The following TRIP10 variants were observed in gnomAD, a reference collection of about 807,000 sequenced individuals.
The protein encoded by TRIP10 is thyroid hormone receptor interactor 10, also known as cdc42-interacting protein 4.
TRIP10 carries 54 observed loss-of-function variants against 80.9 expected under a neutral mutation model. The ratio of observed to expected loss-of-function variants is 0.67; its 90% confidence interval spans 0.54 to 0.84. The LOEUF is 0.84. Ranked by LOEUF, TRIP10 falls within the 40% of genes least tolerant of loss-of-function variation. TRIP10 has a pLI of 0.00. For missense variants in TRIP10, 773 were observed against 815.3 expected, an observed-to-expected ratio of 0.95 and a Z score of 0.63; for synonymous variants, 321 against 307.2, an observed-to-expected ratio of 1.04 and a Z score of -0.47.
rs913003629 is a variant in TRIP10, at chr19:6,744,423, C to A, written c.643-131C>A. ...AGTGGGCTGGAGTCTCTCTTCCCGA[C>A]TCTGTCTTCCCCTCCAGACTGGCTT... is the stretch of plus-strand genomic sequence containing the variant. On this transcript the variant is annotated intron_variant, in intron 7 of 14. Coordinates refer to ENST00000313244, the MANE Select transcript of TRIP10 (RefSeq NM_001288962.2). This position sits in a 1 kb window ranked among gnomAD's most constrained non-coding sequence, Gnocchi z 4.9. 19 of 1,347,920 alleles carry A rather than the reference C, an allele frequency of 1.4e-5. No homozygotes were observed. The highest frequency in any genetic ancestry group is 1.7e-5 in the Non-Finnish European group (17 of 977,204). 83.5% of individuals were successfully genotyped at this position (1,347,920 alleles called of 1,614,324 possible). A position where few individuals can be genotyped will look rare whatever the true frequency, so the allele number is the denominator to read the frequency against.
Position 6,745,652 on chromosome 19 carries a change from C to T in TRIP10, c.985-377C>T. On this transcript the variant is annotated intron_variant, in intron 9 of 14. Coordinates refer to ENST00000313244, the MANE Select transcript of TRIP10 (RefSeq NM_001288962.2). This position sits in a 1 kb window ranked among gnomAD's most constrained non-coding sequence, Gnocchi z 7.2. ...TCTTCTAGACTGTCAGCCCAGAAAGCTAAGTGGACAGAGAGACATGGGCCT... is the reference window on the plus strand; with the variant it reads ...TCTTCTAGACTGTCAGCCCAGAAAGTTAAGTGGACAGAGAGACATGGGCCT... 1.0e-6 allele frequency: 1 copy of T among 985,292 alleles called. No homozygotes were observed. Among genetic ancestry groups the T allele is most frequent in the Non-Finnish European group, 1.2e-6 (1 of 829,916 alleles). 61.0% of individuals were successfully genotyped at this position (985,292 alleles called of 1,614,324 possible). A position where few individuals can be genotyped will look rare whatever the true frequency, so the allele number is the denominator to read the frequency against.
At chr19:6,740,400 C>T (rs528203433) in intron 1 of TRIP10, among the ~76,000 whole-genome samples, 1 of 152,234 alleles carries the variant, frequency 6.6e-6, no homozygotes, top group South Asian at 2.1e-4. Flanking sequence ...TCCCCCTATC[C>T]TAGCCGGACC....
intron 14 of TRIP10, 113 bp downstream of exon 14, chr19:6,750,746 A>G: frequency 6.8e-7 from 1 of 1,473,100 alleles, no homozygotes; most frequent in Non-Finnish European, 9.1e-7. Flanking sequence ...TTGTAATCCC[A>G]GCACTTTGGG....
At chr19:6,740,010 G>A (rs536974124) in intron 1 of TRIP10, among the ~76,000 whole-genome samples, 1 of 152,304 alleles carries the variant, frequency 6.6e-6, no homozygotes, top group Admixed American at 6.5e-5. Context: ...TGAGGCACAG[G>A]GTTGCGAATG....
intron 5 of TRIP10, 110 bp downstream of exon 5, chr19:6,743,366 A>G (rs1011588636): frequency 1.3e-6 from 2 of 1,530,054 alleles, no homozygotes; most frequent in African/African-American, 2.7e-5. Flanking sequence ...TCCCTCCCCC[A>G]TAGGCTTCCA....
intron 11 of TRIP10, among the ~76,000 whole-genome samples, chr19:6,749,434 G>T (rs1462400599): frequency 1.3e-5 from 2 of 152,180 alleles, no homozygotes; most frequent in African/African-American, 4.8e-5. Flanking sequence ...AATGATTTAA[G>T]CCAAGCTCAC....
chr19:6,744,506 A>G lies in TRIP10; in HGVS notation c.643-48A>G. ...TTGCAGAGTGAATCACTGTGCTTCT[A>G]GTCCCTCTGTTAGCACCCCTGAGCC... On this transcript the variant is annotated intron_variant, in intron 7 of 14. Transcript: ENST00000313244. The surrounding 1 kb of genome is among the most constrained non-coding windows in gnomAD (Gnocchi z 4.9). 2 of 1,611,086 alleles carry G rather than the reference A, an allele frequency of 1.2e-6. No homozygotes were observed. The highest frequency in any genetic ancestry group is 8.5e-7 in the Non-Finnish European group (1 of 1,179,488).
chr19:6,739,926 C>G, intron 1 of TRIP10, 141 bp downstream of exon 1: 1 of 1,059,468 alleles, frequency 9.4e-7, no homozygotes, highest in Non-Finnish European at 1.2e-6. Context: ...CCTCCGCTCT[C>G]TCTCGAAGTT....
chr19:6,744,461 A>AGCGTGGAGC lies in TRIP10; in HGVS notation c.643-89_643-81dup. ...TCCAGACTGGCTTGGGGCTGGGGCC[A>AGCGTGGAGC]GCGTGGAGCGCGATCATATTTGCAG... is the stretch of plus-strand genomic sequence containing the variant. On this transcript the variant is annotated intron_variant, in intron 7 of 14. Transcript: ENST00000313244. The surrounding 1 kb of genome is among the most constrained non-coding windows in gnomAD (Gnocchi z 4.9). The AGCGTGGAGC allele has an allele frequency of 6.4e-7, 1 of 1,556,228 alleles. No homozygotes were observed. Among genetic ancestry groups the AGCGTGGAGC allele is most frequent in the Non-Finnish European group, 8.7e-7 (1 of 1,148,656 alleles).
At chr19:6,750,995 A>G in intron 14 of TRIP10, 68 bp from the exon 15 acceptor site, 1 of 1,451,546 alleles carries the variant, frequency 6.9e-7, no homozygotes, top group Non-Finnish European at 9.1e-7. Context: ...CTCTGTCTCA[A>G]AAATAAAAAA....
rs371348959 is a variant in TRIP10, at chr19:6,743,216, C to A, written c.368C>A (p.Ala123Asp). 1.5e-5 allele frequency: 25 copies of A among 1,613,980 alleles called. No individual in the cohort carries two copies. The highest frequency in any genetic ancestry group is 2.0e-5 in the Non-Finnish European group (24 of 1,180,020). The part of the protein sequence containing the change: ...RKMHFQEGRR[A>D]QQQLENGFKQ... ...TAGCACTTCCAAGAAGGGCGGCGGG[C>A]CCAGCAGCAGCTGGAAAATGGCTTT... The change falls in exon 5 of 15, where the codon GCC becomes GAC. Residue 123 changes from alanine to aspartate, a missense_variant. Physicochemically the swap from Ala to Asp is moderately radical, Grantham distance 126 (BLOSUM62 -2). Coordinates refer to ENST00000313244, the MANE Select transcript of TRIP10 (RefSeq NM_001288962.2).
At chr19:6,743,312 G>A (rs373328259) in intron 5 of TRIP10, 56 bp downstream of exon 5, 58 of 1,601,868 alleles carry the variant, frequency 3.6e-5, no homozygotes, top group African/African-American at 1.3e-4. Flanking sequence ...GCAGGGTTGC[G>A]GATCCGGAGT....
At position 6,741,047 on chromosome 19, in the gene TRIP10, G is replaced by A. The variant is rs1348591140; in HGVS notation, c.62G>A (p.Gly21Glu). 1 of 1,613,968 alleles carries A rather than the reference G, an allele frequency of 6.2e-7. No individual in the cohort carries two copies. Among genetic ancestry groups the A allele is most frequent in the Non-Finnish European group, 8.5e-7 (1 of 1,179,900 alleles). The change falls in exon 2 of 15, where the codon GGG becomes GAG. Residue 21 changes from glycine (G) to glutamate (E), a missense_variant. Transcript: ENST00000313244. Reference protein sequence around the residue: ...FEVLERHTQWGLDLLDRYVKF... With the variant: ...FEVLERHTQWELDLLDRYVKF... ...GTGCTCGAGCGCCACACGCAGTGGG[G>A]GCTGGACCTGTTGGACAGATATGTA...
At chr19:6,748,990 A>G (rs1209688868) in intron 11 of TRIP10, 1 of 152,170 alleles carries the variant, frequency 6.6e-6, no homozygotes, top group Non-Finnish European at 1.5e-5. Context: ...GATTTATTCG[A>G]ATTTTCAAGG....
In TRIP10 at chr19:6,740,778, G is replaced by A; in HGVS notation, c.25-232G>A. ...CCTATGTCGGAGACCTCCATCTCCC[G>A]GCCGGGGTGGCTGGGGCCTGGGCGC... On this transcript the variant is annotated intron_variant, in intron 1 of 14. Coordinates refer to ENST00000313244, the MANE Select transcript of TRIP10 (RefSeq NM_001288962.2). The A allele has an allele frequency of 9.3e-6, 5 of 535,024 alleles. No individual in the cohort carries two copies. In the South Asian group the frequency reaches 1.1e-4, roughly 12 times the overall value. 33.1% of individuals were successfully genotyped at this position (535,024 alleles called of 1,614,324 possible). A position where few individuals can be genotyped will look rare whatever the true frequency, so the allele number is the denominator to read the frequency against.
rs771675121 is a variant in TRIP10, at chr19:6,749,993, C to T, written c.1322C>T (p.Ala441Val). ...AAGACACCTCAGATGGGGGACCCCG[C>T]CAGCTTGGAGCCCCAGATCGCTGAA... ...YEKTPQMGDP[A>V]SLEPQIAETL... The change falls in exon 12 of 15, where the codon GCC (alanine) becomes GTC (valine). Residue 441 changes from alanine (A) to valine (V), a missense_variant. Coordinates refer to ENST00000313244, the MANE Select transcript of TRIP10 (RefSeq NM_001288962.2). The T allele has an allele frequency of 6.2e-7, 1 of 1,614,120 alleles. No individual in the cohort carries two copies.
Position 6,739,716 on chromosome 19 carries a change from G to A in TRIP10, c.-46G>A, listed in dbSNP as rs376433768. ...GGGAGGGCGGCGGGCGGCGGGCGGCGGGGACCGGGTGCGGTGGTGGCTGCG... is the reference window on the plus strand; with the variant it reads ...GGGAGGGCGGCGGGCGGCGGGCGGCAGGGACCGGGTGCGGTGGTGGCTGCG... On this transcript the variant is annotated 5_prime_UTR_variant, in exon 1 of 15. Coordinates refer to ENST00000313244, the MANE Select transcript of TRIP10 (RefSeq NM_001288962.2). The A allele has an allele frequency of 1.0e-5, 13 of 1,299,876 alleles. No homozygotes were observed. Among genetic ancestry groups the A allele is most frequent in the Non-Finnish European group, 1.3e-5 (13 of 1,020,324 alleles). The allele number at this position is 1,299,876 out of a possible 1,614,324, so 80.5% of individuals were successfully genotyped here.
rs1313905655 is a variant in TRIP10, at chr19:6,744,463, C to T, written c.643-91C>T. On this transcript the variant is annotated intron_variant, in intron 7 of 14. Transcript: ENST00000313244. The surrounding 1 kb of genome is among the most constrained non-coding windows in gnomAD (Gnocchi z 4.9). ...CAGACTGGCTTGGGGCTGGGGCCAG[C>T]GTGGAGCGCGATCATATTTGCAGAG... 32 of 1,555,900 alleles carry T rather than the reference C, an allele frequency of 2.1e-5. No homozygotes were observed. The highest frequency in any genetic ancestry group is 1.3e-5 in the Non-Finnish European group (15 of 1,147,386).
At position 6,743,080 on chromosome 19, in the gene TRIP10, A is replaced by G. The variant is rs1255811987; in HGVS notation, c.311A>G (p.Lys104Arg). 1 of 1,614,210 alleles carries G rather than the reference A, an allele frequency of 6.2e-7. No individual in the cohort carries two copies. The highest frequency in any genetic ancestry group is 1.1e-5 in the South Asian group (1 of 91,088). Residue 104 changes from lysine (K) to arginine (R), a missense_variant, in exon 4 of 15, where the codon AAG becomes AGG. Lys to Arg is a conservative substitution (Grantham distance 26, BLOSUM62 2). Transcript: ENST00000313244. ...LSVRVCLELTKYSQEMKQERK... is the reference protein window; with the variant it reads ...LSVRVCLELTRYSQEMKQERK... ...GTCCGTGTATGTCTTGAGCTGACCA[A>G]GTACTCACAAGAGATGAAACAGGAG...
Sources: allele counts gnomAD v4.1 joint callset (sites outside exome capture counted in the v4.1 genomes callset), GRCh38; gene constraint gnomAD v4.1.1; non-coding constraint Gnocchi (gnomAD v3.1); transcripts MANE v1.5; gene names NCBI Gene and HGNC (gene_info 2026-07-23, HGNC 2026-07-21).